The following ENTREP2 variants were observed in gnomAD, a reference collection of about 807,000 sequenced individuals.
ENTREP2 encodes endosomal transmembrane epsin interactor 2, also known as protein ENTREP2.
chr15:29,165,892 C>T, the ENTREP2 span, among the ~76,000 whole-genome samples: 1 of 152,134 alleles, frequency 6.6e-6, no homozygotes, highest in African/African-American at 2.4e-5. Flanking sequence ...AGACCGATAT[C>T]CTTGATGAAC....
chr15:29,189,819 T>G, the ENTREP2 span, among the ~76,000 whole-genome samples: 1 of 152,220 alleles, frequency 6.6e-6, no homozygotes, highest in Admixed American at 6.5e-5. Context: ...TGGCCATCAA[T>G]CTACCTAAAC....
chr15:29,480,088 A>C, the ENTREP2 span, among the ~76,000 whole-genome samples: 1 of 152,148 alleles, frequency 6.6e-6, no homozygotes, highest in Non-Finnish European at 1.5e-5. Context: ...AAATAGTCCC[A>C]GATAATACAC....
chr15:29,207,279 C>T, the ENTREP2 span, among the ~76,000 whole-genome samples: 5 of 152,152 alleles, frequency 3.3e-5, no homozygotes, highest in Admixed American at 6.5e-5. Context: ...GGTTCCCGCC[C>T]GTGGCTTCCT....
chr15:29,511,773 C>G, the ENTREP2 span, among the ~76,000 whole-genome samples: 71,985 of 147,302 alleles, frequency 0.49, 18,807 homozygotes, highest in African/African-American at 0.69. Flanking sequence ...GGTGCTCCCA[C>G]AGCTTAGTAC....
At chr15:29,660,790 C>T in the ENTREP2 span, among the ~76,000 whole-genome samples, 157 of 152,276 alleles carry the variant, frequency 1.0e-3, no homozygotes, top group Non-Finnish European at 1.8e-3. Context: ...GTTTGAACTG[C>T]GTGGGTCCAC....
chr15:29,123,175 T>C, the ENTREP2 span: 1 of 668,128 alleles, frequency 1.5e-6, no homozygotes, highest in Non-Finnish European at 2.4e-6. Context: ...AGAGAGGGGG[T>C]AACAGTTCCC....
the ENTREP2 span, among the ~76,000 whole-genome samples, chr15:29,135,704 C>G: frequency 7.2e-5 from 11 of 152,214 alleles, no homozygotes; most frequent in Non-Finnish European, 1.2e-4. The surrounding 1 kb of genome is among the most constrained non-coding windows in gnomAD (Gnocchi z 7.4). Flanking sequence ...AACATACTGC[C>G]TGTCACGTGT....
chr15:29,148,868 ATTTT>A, the ENTREP2 span, among the ~76,000 whole-genome samples: 1 of 149,922 alleles, frequency 6.7e-6, no homozygotes, highest in South Asian at 2.1e-4. Context: ...CTCCCTCCAG[ATTTT>A]TTTTTAATTT....
chr15:29,466,637 CCCCAGGGGAGGG>C, the ENTREP2 span, among the ~76,000 whole-genome samples: 2 of 130,440 alleles, frequency 1.5e-5, no homozygotes, highest in Non-Finnish European at 3.3e-5. Context: ...ATGCTGCAGC[CCCCAGGGGAGGG>C]CCCAGGGGAG....
the ENTREP2 span, among the ~76,000 whole-genome samples, chr15:29,336,212 T>C: frequency 2.6e-5 from 4 of 151,098 alleles, no homozygotes; most frequent in Non-Finnish European, 5.9e-5. Flanking sequence ...TTGTCCAAAC[T>C]GTGAGTTCAC....
the ENTREP2 span, among the ~76,000 whole-genome samples, chr15:29,626,935 G>C: frequency 6.6e-6 from 1 of 152,070 alleles, no homozygotes; most frequent in Non-Finnish European, 1.5e-5. Flanking sequence ...TGCCAGTCTT[G>C]AGATAATTTT....
At chr15:29,289,850 A>AAT in the ENTREP2 span, among the ~76,000 whole-genome samples, 8 of 152,078 alleles carry the variant, frequency 5.3e-5, no homozygotes, top group Middle Eastern at 3.2e-3. Context: ...CATCTCAAAA[A>AAT]ATATATATAT....
chr15:29,630,460 C>A, the ENTREP2 span, among the ~76,000 whole-genome samples: 8 of 152,182 alleles, frequency 5.3e-5, no homozygotes, highest in East Asian at 1.5e-3. Context: ...GATGTGGATT[C>A]TTTTGGTTTT....
chr15:29,583,819 T>C, the ENTREP2 span, among the ~76,000 whole-genome samples: 1,187 of 152,286 alleles, frequency 7.8e-3, 12 homozygotes, highest in African/African-American at 0.027. Context: ...TGAGCACTGA[T>C]ATATTGCTCC....
chr15:29,562,532 C>T, the ENTREP2 span, among the ~76,000 whole-genome samples: 26 of 152,226 alleles, frequency 1.7e-4, no homozygotes, highest in South Asian at 4.1e-4. Flanking sequence ...GTTTACAATT[C>T]GGGAATTTAA....
the ENTREP2 span, among the ~76,000 whole-genome samples, chr15:29,260,133 T>G: frequency 3.3e-5 from 5 of 152,188 alleles, no homozygotes; most frequent in Non-Finnish European, 7.3e-5. Context: ...ATTTGGGGTC[T>G]CTGGTGAATA....
the ENTREP2 span, among the ~76,000 whole-genome samples, chr15:29,645,235 G>A: frequency 1.2e-4 from 18 of 152,212 alleles, no homozygotes; most frequent in African/African-American, 2.9e-4. Context: ...ATGATGAGAC[G>A]TGAGAATTCT....
At chr15:29,309,602 G>A in the ENTREP2 span, among the ~76,000 whole-genome samples, 11 of 151,912 alleles carry the variant, frequency 7.2e-5, no homozygotes, top group Admixed American at 2.6e-4. Context: ...CAGCACGGCC[G>A]ACATGGCAAA....
chr15:29,252,193 A>G, the ENTREP2 span, among the ~76,000 whole-genome samples: 6 of 152,248 alleles, frequency 3.9e-5, no homozygotes, highest in Non-Finnish European at 7.3e-5. Context: ...GTGAATTGTT[A>G]TCTAACTTAT....
Sources: allele counts gnomAD v4.1 joint callset (sites outside exome capture counted in the v4.1 genomes callset), GRCh38; gene constraint gnomAD v4.1.1; non-coding constraint Gnocchi (gnomAD v3.1); transcripts MANE v1.5; gene names NCBI Gene and HGNC (gene_info 2026-07-23, HGNC 2026-07-21).